Variants in VSNL1 observed in about 807,000 individuals in gnomAD.
VSNL1 encodes the protein visinin-like protein 1.
Under a neutral mutation model 20.4 loss-of-function variants are expected in VSNL1, and 6 were observed. That is an observed-to-expected ratio of 0.29 (90% CI 0.16 to 0.58). The LOEUF (loss-of-function observed/expected upper bound fraction) is 0.58. Among genes scored for constraint, VSNL1 ranks in the 20% least tolerant of loss-of-function variants. The pLI is 0.90. For synonymous variants in VSNL1, 93 were observed against 86.4 expected, an observed-to-expected ratio of 1.08 and a Z score of -0.42; for missense variants, 100 against 234.5, an observed-to-expected ratio of 0.43 and a Z score of 3.75.
At chr2:17,631,366 T>C (rs1665624669) in intron 2 of VSNL1, among the ~76,000 whole-genome samples, 1 of 151,972 alleles carries the variant, frequency 6.6e-6, no homozygotes, top group East Asian at 1.9e-4. Flanking sequence ...ATATGATTTT[T>C]CCAAAGGATA....
chr2:17,580,195 T>G (rs1362296534), intron 1 of VSNL1, among the ~76,000 whole-genome samples: 2 of 152,206 alleles, frequency 1.3e-5, no homozygotes. Flanking sequence ...ATTCAGAGCT[T>G]CCATAGATCA....
intron 2 of VSNL1, among the ~76,000 whole-genome samples, chr2:17,592,640 C>CTTTTTTTTTTTTTTTTTTT (rs55756596): frequency 2.8e-5 from 2 of 70,858 alleles, no homozygotes; most frequent in African/African-American, 9.8e-5. Context: ...CTCTCTCTCT[C>CTTTTTTTTTTTTTTTTTTT]TTTTTTTTTT....
chr2:17,574,161 C>G (rs1381654814), intron 1 of VSNL1, among the ~76,000 whole-genome samples: 1 of 152,114 alleles, frequency 6.6e-6, no homozygotes, highest in Non-Finnish European at 1.5e-5. Context: ...CATAACTGAC[C>G]CGTAGGTTCT....
chr2:17,643,424 C>T (rs992396333), intron 2 of VSNL1, among the ~76,000 whole-genome samples: 1 of 152,144 alleles, frequency 6.6e-6, no homozygotes, highest in African/African-American at 2.4e-5. Context: ...GCAGCACAGC[C>T]GGCTTCAGGC....
chr2:17,639,071 T>C (rs1369986581), intron 2 of VSNL1, among the ~76,000 whole-genome samples: 2 of 152,220 alleles, frequency 1.3e-5, no homozygotes, highest in East Asian at 3.8e-4. Flanking sequence ...CGCAGGGATC[T>C]AGTCTTTCTA....
At chr2:17,622,452 C>T (rs1256726242) in intron 2 of VSNL1, among the ~76,000 whole-genome samples, 2 of 147,126 alleles carry the variant, frequency 1.4e-5, no homozygotes, top group Non-Finnish European at 3.0e-5. Flanking sequence ...GAGCCAAGAT[C>T]GCGCCACTAC....
chr2:17,651,297 A>T (rs949069306), intron 3 of VSNL1, among the ~76,000 whole-genome samples: 3 of 152,138 alleles, frequency 2.0e-5, no homozygotes, highest in Non-Finnish European at 4.4e-5. Context: ...ATTCAGCAGG[A>T]GGGTGTTAGA....
At chr2:17,648,057 C>T (rs1425098814) in intron 2 of VSNL1, among the ~76,000 whole-genome samples, 1 of 152,118 alleles carries the variant, frequency 6.6e-6, no homozygotes, top group Non-Finnish European at 1.5e-5. Flanking sequence ...TGATTGTTGT[C>T]ATTTTAAGCC....
intron 2 of VSNL1, among the ~76,000 whole-genome samples, chr2:17,609,279 G>T (rs984754579): frequency 2.0e-5 from 3 of 152,162 alleles, no homozygotes; most frequent in Admixed American, 6.5e-5. Context: ...GAGTAGGGGA[G>T]CATGTCCTTC....
intron 2 of VSNL1, among the ~76,000 whole-genome samples, chr2:17,620,201 G>A (rs1404902629): frequency 1.3e-5 from 2 of 152,176 alleles, no homozygotes; most frequent in Non-Finnish European, 2.9e-5. Context: ...GGCAGAGAGG[G>A]TACCACTGTA....
intron 1 of VSNL1, among the ~76,000 whole-genome samples, chr2:17,549,386 A>G: frequency 6.6e-6 from 1 of 152,232 alleles, no homozygotes; most frequent in Admixed American, 6.5e-5. Flanking sequence ...CCAGATAGAT[A>G]GATACATACA....
At chr2:17,640,413 G>A (rs746034595) in intron 2 of VSNL1, among the ~76,000 whole-genome samples, 1 of 152,158 alleles carries the variant, frequency 6.6e-6, no homozygotes, top group Non-Finnish European at 1.5e-5. Context: ...CCACAGCATA[G>A]CATCCTTACT....
intron 2 of VSNL1, among the ~76,000 whole-genome samples, chr2:17,602,645 C>T (rs933509865): frequency 1.3e-5 from 2 of 152,114 alleles, no homozygotes; most frequent in African/African-American, 4.8e-5. Flanking sequence ...GAGGCTGAGG[C>T]AGGAGAATTG....
chr2:17,568,460 C>A (rs963666058), intron 1 of VSNL1, among the ~76,000 whole-genome samples: 1 of 152,032 alleles, frequency 6.6e-6, no homozygotes, highest in Non-Finnish European at 1.5e-5. Flanking sequence ...TTAGTAGAGA[C>A]GGGGTTTTGC....
At chr2:17,629,346 T>C (rs1234613242) in intron 2 of VSNL1, among the ~76,000 whole-genome samples, 2 of 152,156 alleles carry the variant, frequency 1.3e-5, no homozygotes, top group Non-Finnish European at 2.9e-5. Context: ...GGTGAGAAAA[T>C]GCAATGAGAA....
intron 1 of VSNL1, among the ~76,000 whole-genome samples, chr2:17,556,467 AC>A (rs1034217423): frequency 3.1e-4 from 47 of 152,158 alleles, no homozygotes; most frequent in Non-Finnish European, 4.7e-4. Flanking sequence ...CTTAATTCAA[AC>A]CCCTACATCA....
At chr2:17,588,431 C>T (rs983870414) in intron 1 of VSNL1, among the ~76,000 whole-genome samples, 2 of 152,176 alleles carry the variant, frequency 1.3e-5, no homozygotes, top group African/African-American at 4.8e-5. Context: ...AAGTTAGAGA[C>T]AGAGCCAGCC....
intron 1 of VSNL1, among the ~76,000 whole-genome samples, chr2:17,570,166 G>A (rs1196506849): frequency 6.6e-6 from 1 of 152,170 alleles, no homozygotes; most frequent in Non-Finnish European, 1.5e-5. Context: ...ATCAGCAGGA[G>A]GAGATGTGTT....
At chr2:17,620,372 T>C (rs1665327998) in intron 2 of VSNL1, among the ~76,000 whole-genome samples, 1 of 152,174 alleles carries the variant, frequency 6.6e-6, no homozygotes, top group Admixed American at 6.5e-5. Context: ...GACAAGGGAT[T>C]GGCAAAGCGA....
Sources: gnomAD v4.1 joint callset for allele counts (sites outside exome capture counted in the v4.1 genomes callset) on GRCh38, gnomAD v4.1.1 for gene constraint, MANE v1.5 for transcripts, NCBI Gene and HGNC (gene_info 2026-07-23, HGNC 2026-07-21) for gene names.